SLC39A11: variants seen among roughly 807,000 people sequenced by gnomAD.
SLC39A11 encodes the protein zinc transporter ZIP11.
A neutral mutation model predicts 36.1 loss-of-function variants in SLC39A11; 33 were observed. The ratio of observed to expected loss-of-function variants is 0.91; its 90% CI spans 0.69 to 1.22. The LOEUF (loss-of-function observed/expected upper bound fraction) is 1.22, where lower values mean the gene tolerates loss of function less well. Among genes scored for constraint, SLC39A11 ranks in the 50% most tolerant of loss-of-function variants. The pLI, the probability that SLC39A11 is intolerant of heterozygous loss-of-function variation, is 0.00. For missense variants in SLC39A11, 432 were observed against 430.3 expected (o/e 1.00, Z -0.03); for synonymous variants, 166 against 170.3 (o/e 0.97, Z 0.20).
chr17:72,769,519 T>C (rs72843265), intron 6 of SLC39A11, among the ~76,000 whole-genome samples: 10,229 of 152,044 alleles, frequency 0.067, 396 homozygotes, highest in Admixed American at 0.098. Context: ...GTGACCCCTC[T>C]GCTCACTGAG....
chr17:72,789,521 T>C (rs1258462313), intron 6 of SLC39A11, among the ~76,000 whole-genome samples: 3 of 152,164 alleles, frequency 2.0e-5, no homozygotes, highest in Non-Finnish European at 4.4e-5. Flanking sequence ...GAACCATCCC[T>C]GGGAACAGGC....
chr17:72,966,203 G>A (rs2086961004), intron 4 of SLC39A11, among the ~76,000 whole-genome samples: 2 of 152,234 alleles, frequency 1.3e-5, no homozygotes, highest in Non-Finnish European at 2.9e-5. Context: ...GCCTTTCTCA[G>A]TCAGAGGTTC....
At chr17:73,026,187 G>GAGAAGAGAAGAGAAGAGAAGAGAAGAGA (rs1555683082) in intron 4 of SLC39A11, among the ~76,000 whole-genome samples, 7 of 3,598 alleles carry the variant, frequency 1.9e-3, no homozygotes, top group East Asian at 0.02. Flanking sequence ...AGAAAGAGAA[G>GAGAAGAGAAGAGAAGAGAAGAGAAGAGA]AGAGAAGAGA....
chr17:72,860,516 G>A (rs2079922702), intron 5 of SLC39A11, among the ~76,000 whole-genome samples: 1 of 152,176 alleles, frequency 6.6e-6, no homozygotes, highest in African/African-American at 2.4e-5. Context: ...ATCAAAGGAT[G>A]GTAGGTGCAG....
intron 4 of SLC39A11, among the ~76,000 whole-genome samples, chr17:72,984,194 C>T (rs1179177586): frequency 6.6e-6 from 1 of 152,114 alleles, no homozygotes. Context: ...TGCCCCTGTT[C>T]TTCCCCCATG....
intron 6 of SLC39A11, among the ~76,000 whole-genome samples, chr17:72,839,884 C>T (rs183732057): frequency 1.6e-3 from 241 of 152,288 alleles, no homozygotes; most frequent in Middle Eastern, 0.01. Context: ...GGAGTGAGAA[C>T]CACGCCAACG....
Position 73,004,232 on chromosome 17 carries a change from A to AAAGAG in SLC39A11, c.306+27323_306+27324insCTCTT. Among the ~76,000 whole-genome samples, 3 of 88,710 alleles carry AAAGAG rather than the reference A, an allele frequency of 3.4e-5. No homozygotes were observed. The East Asian group carries it at 8.6e-4, about 25-fold the overall frequency. 58.2% of individuals were successfully genotyped at this position (88,710 alleles called of 152,430 possible). On this transcript the variant is annotated intron_variant, in intron 4 of 9. Coordinates refer to ENST00000255559, the MANE Select transcript of SLC39A11 (RefSeq NM_139177.4). ...GAAAGAAAGAAAGAAAGAAAGAAAG[A>AAAGAG]AAAGAAAGAAAGAGAAAAAGCAAGC...
At chr17:72,771,363 A>T (rs1394907177) in intron 6 of SLC39A11, among the ~76,000 whole-genome samples, 2 of 152,032 alleles carry the variant, frequency 1.3e-5, no homozygotes, top group Admixed American at 1.3e-4. Context: ...CTAAAAAAAA[A>T]AAAAAAATCC....
chr17:72,944,634 C>T (rs910477294), intron 5 of SLC39A11, among the ~76,000 whole-genome samples: 4 of 152,182 alleles, frequency 2.6e-5, no homozygotes, highest in African/African-American at 9.7e-5. Flanking sequence ...TAAAGAACTC[C>T]TGGCCTCATT....
At position 72,942,484 on chromosome 17, in the gene SLC39A11, T is replaced by A. The variant is rs576978003; in HGVS notation, c.430+5268A>T. Among the ~76,000 whole-genome samples the A allele has an allele frequency of 2.2e-4, 33 of 152,218 alleles. 1 individual carries two copies. Among genetic ancestry groups the A allele is most frequent in the African/African-American group, 7.5e-4 (31 of 41,522 alleles). On this transcript the variant is annotated intron_variant, in intron 5 of 9. Coordinates refer to ENST00000255559, the MANE Select transcript of SLC39A11 (RefSeq NM_139177.4). ...CATCTCAGAGACTTCCCCAAACACATTATTTCGGAAACCTAGTTATAAACA... is the reference window on the plus strand; with the variant it reads ...CATCTCAGAGACTTCCCCAAACACAATATTTCGGAAACCTAGTTATAAACA...
chr17:72,916,309 C>A (rs1274805144), intron 5 of SLC39A11, among the ~76,000 whole-genome samples: 1 of 152,198 alleles, frequency 6.6e-6, no homozygotes, highest in African/African-American at 2.4e-5. Flanking sequence ...TATTTGATCA[C>A]CTTAAGCATA....
intron 7 of SLC39A11, among the ~76,000 whole-genome samples, chr17:72,683,637 T>C (rs996685315): frequency 3.9e-5 from 6 of 152,086 alleles, no homozygotes; most frequent in Admixed American, 1.3e-4. Context: ...CTGAGGCTGA[T>C]TCTGGCAGTA....
chr17:72,719,545 A>C (rs959948975), intron 7 of SLC39A11, among the ~76,000 whole-genome samples: 2 of 152,242 alleles, frequency 1.3e-5, no homozygotes, highest in African/African-American at 4.8e-5. Flanking sequence ...CTGCCCTGGA[A>C]GACAGAATTG....
chr17:73,036,206 A>C (rs1421178227), intron 3 of SLC39A11, among the ~76,000 whole-genome samples: 1 of 152,212 alleles, frequency 6.6e-6, no homozygotes, highest in Non-Finnish European at 1.5e-5. Context: ...AGCAATAGAA[A>C]ATTAATACAG....
chr17:72,869,744 C>T (rs551562517), intron 5 of SLC39A11, among the ~76,000 whole-genome samples: 2 of 152,266 alleles, frequency 1.3e-5, no homozygotes, highest in South Asian at 2.1e-4. Flanking sequence ...AAGAAACTGG[C>T]ATGTAATCCC....
At chr17:73,041,545 A>G (rs1205301742) in intron 3 of SLC39A11, among the ~76,000 whole-genome samples, 1 of 152,248 alleles carries the variant, frequency 6.6e-6, no homozygotes, top group Non-Finnish European at 1.5e-5. Context: ...CCCCCAGCCC[A>G]GCTAAGGGTG....
intron 6 of SLC39A11, among the ~76,000 whole-genome samples, chr17:72,820,634 CA>C (rs2077740009): frequency 6.6e-6 from 1 of 151,220 alleles, no homozygotes; most frequent in Admixed American, 6.6e-5. Context: ...GGGTTGGGGG[CA>C]CAGTGTTGGG....
At position 72,854,394 on chromosome 17, in the gene SLC39A11, A is replaced by T. The variant is rs534852989; in HGVS notation, c.431-4590T>A. Among the ~76,000 whole-genome samples the T allele has an allele frequency of 2.0e-4, 31 of 152,160 alleles. No homozygotes were observed. In the East Asian group the frequency reaches 5.8e-3, roughly 29 times the overall value. On this transcript the variant is annotated intron_variant, in intron 5 of 9. Transcript: ENST00000255559. ...TAGTGGGAGCAGTTGCTGCCGTGAGAAGGAGAGTCTGGTGAGCTCTCATTG... is the reference window on the plus strand; with the variant it reads ...TAGTGGGAGCAGTTGCTGCCGTGAGTAGGAGAGTCTGGTGAGCTCTCATTG...
At chr17:72,671,200 C>A (rs1046878631) in intron 7 of SLC39A11, among the ~76,000 whole-genome samples, 3 of 152,190 alleles carry the variant, frequency 2.0e-5, no homozygotes, top group South Asian at 4.1e-4. Flanking sequence ...CACCAATGAA[C>A]TGACACAAAC....
Sources: allele counts gnomAD v4.1 joint callset (sites outside exome capture counted in the v4.1 genomes callset), GRCh38; gene constraint gnomAD v4.1.1; transcripts MANE v1.5; gene names NCBI Gene and HGNC (gene_info 2026-07-23, HGNC 2026-07-21).